Variants in GRID1 observed in about 807,000 individuals in gnomAD.
GRID1 encodes the protein glutamate receptor ionotropic, delta-1.
A neutral mutation model predicts 98.0 loss-of-function variants in GRID1; 28 were observed. That is an observed-to-expected ratio of 0.29 (90% CI 0.21 to 0.39). GRID1 has a LOEUF of 0.39. Among genes scored for constraint, GRID1 ranks in the 10% least tolerant of loss-of-function variants. The pLI is 1.00. For missense variants in GRID1, 1,111 were observed against 1,340.5 expected (o/e 0.83, Z 2.67); for synonymous variants, 553 against 538.5 (o/e 1.03, Z -0.37).
In GRID1 at chr10:86,092,305, T is replaced by G. The variant is rs189438648; in HGVS notation, c.726+46514A>C. On this transcript the variant is annotated intron_variant, in intron 4 of 15. Coordinates refer to ENST00000327946, the MANE Select transcript of GRID1 (RefSeq NM_017551.3). ...TTAAAGAAAAAAAATTCAGGAAACT[T>G]TGGACACACTTCTAGAAATGCAAAA... Among the ~76,000 whole-genome samples the G allele has an allele frequency of 4.2e-3, 635 of 152,224 alleles. 3 individuals are homozygous for G. Among genetic ancestry groups the G allele is most frequent in the Non-Finnish European group, 6.9e-3 (467 of 68,012 alleles).
In GRID1 at chr10:86,231,790, G is replaced by A. The variant is rs958564674; in HGVS notation, c.236-25142C>T. On this transcript the variant is annotated intron_variant, in intron 2 of 15. Transcript: ENST00000327946. ...TGTGCCTCCTATTGTATTTGGAGACGCAGTGTCTTCAGTTACTCATCAGCA... is the reference window on the plus strand; with the variant it reads ...TGTGCCTCCTATTGTATTTGGAGACACAGTGTCTTCAGTTACTCATCAGCA... Among the ~76,000 whole-genome samples, 6 of 152,154 alleles carry A rather than the reference G, an allele frequency of 3.9e-5. No homozygotes were observed. The East Asian group carries it at 5.8e-4, about 15-fold the overall frequency.
At chr10:85,689,550 A>G (rs958052489) in intron 12 of GRID1, among the ~76,000 whole-genome samples, 1 of 152,204 alleles carries the variant, frequency 6.6e-6, no homozygotes, top group Non-Finnish European at 1.5e-5. Context: ...GCAAACAACT[A>G]TAGTAAATAT....
intron 2 of GRID1, among the ~76,000 whole-genome samples, chr10:86,244,029 T>A (rs780468062): frequency 6.6e-6 from 1 of 152,212 alleles, no homozygotes; most frequent in Non-Finnish European, 1.5e-5. Context: ...TACATGTATG[T>A]GTGCACACCT....
chr10:85,754,038 A>T (rs564297283), intron 8 of GRID1, among the ~76,000 whole-genome samples: 20 of 152,326 alleles, frequency 1.3e-4, no homozygotes, highest in South Asian at 4.2e-4. Context: ...AAAAAAAACT[A>T]AAAAGAAATT....
rs1845785668 is a variant in GRID1, at chr10:86,190,452, G to A, written c.520+15912C>T. Among the ~76,000 whole-genome samples the A allele has an allele frequency of 2.6e-5, 4 of 152,220 alleles. No individual in the cohort carries two copies. The South Asian group carries it at 8.3e-4, about 31-fold the overall frequency. On this transcript the variant is annotated intron_variant, in intron 3 of 15. Coordinates refer to ENST00000327946, the MANE Select transcript of GRID1 (RefSeq NM_017551.3). ...ATGAAGCCTGGCTGTGCTGGTGTCA[G>A]GGAGGGGCTGGGCAGTGCCCCATGG...
At position 86,206,782 on chromosome 10, in the gene GRID1, A is replaced by C. The variant is rs1589410693; in HGVS notation, c.236-134T>G. On this transcript the variant is annotated intron_variant, in intron 2 of 15. Transcript: ENST00000327946. This position sits in a 1 kb window ranked among gnomAD's most constrained non-coding sequence, Gnocchi z 4.1. ...AGGCTGCCTCCCTCCAGGACCAAGA[A>C]CCATCCTGGGCAGGCCAGTGGCTCT... 1.3e-6 allele frequency: 1 copy of C among 751,534 alleles called. No individual in the cohort carries two copies. The highest frequency in any genetic ancestry group is 2.1e-6 in the Non-Finnish European group (1 of 468,202). The allele number at this position is 751,534 out of a possible 1,614,324, so 46.6% of individuals were successfully genotyped here.
intron 2 of GRID1, among the ~76,000 whole-genome samples, chr10:86,323,076 T>C (rs1417268195): frequency 1.3e-5 from 2 of 152,078 alleles, no homozygotes; most frequent in African/African-American, 4.8e-5. Flanking sequence ...CAACCTGGGT[T>C]ACAGAGCAAG....
intron 2 of GRID1, among the ~76,000 whole-genome samples, chr10:86,281,930 T>C (rs186604070): frequency 6.6e-6 from 1 of 152,272 alleles, no homozygotes; most frequent in Admixed American, 6.5e-5. Flanking sequence ...GCCTCCTGCC[T>C]TCTGTAAGGT....
At chr10:86,108,344 T>C (rs560980803) in intron 4 of GRID1, among the ~76,000 whole-genome samples, 1 of 152,258 alleles carries the variant, frequency 6.6e-6, no homozygotes, top group Admixed American at 6.5e-5. Flanking sequence ...CTTGTGGAAT[T>C]TAGGGGATTC....
chr10:85,825,941 G>A (rs1343513352), intron 8 of GRID1, among the ~76,000 whole-genome samples: 1 of 151,534 alleles, frequency 6.6e-6, no homozygotes, highest in Non-Finnish European at 1.5e-5. Context: ...AAAAAGAAGA[G>A]GAAAAAAAGA....
intron 8 of GRID1, among the ~76,000 whole-genome samples, chr10:85,820,434 CT>C (rs1842759388): frequency 6.6e-6 from 1 of 152,114 alleles, no homozygotes; most frequent in Non-Finnish European, 1.5e-5. Context: ...TAGTGTTCCA[CT>C]ATTGGGACGC....
intron 4 of GRID1, among the ~76,000 whole-genome samples, chr10:86,117,295 TCAC>T (rs1374970867): frequency 3.5e-5 from 5 of 144,724 alleles, no homozygotes; most frequent in Non-Finnish European, 4.6e-5. Context: ...ATCACCACCA[TCAC>T]CACCATCATC....
intron 4 of GRID1, among the ~76,000 whole-genome samples, chr10:85,969,348 A>G (rs990892592): frequency 2.6e-5 from 4 of 152,192 alleles, no homozygotes; most frequent in Admixed American, 2.0e-4. Flanking sequence ...TAGATTTAAC[A>G]GATATCTATG....
At chr10:85,871,760 C>T (rs1340100475) in intron 5 of GRID1, among the ~76,000 whole-genome samples, 2 of 152,054 alleles carry the variant, frequency 1.3e-5, no homozygotes, top group African/African-American at 4.8e-5. Flanking sequence ...GTGTGTGAAG[C>T]CTGGTCAGTT....
chr10:85,777,846 T>G (rs1303414143), intron 8 of GRID1, among the ~76,000 whole-genome samples: 1 of 152,186 alleles, frequency 6.6e-6, no homozygotes, highest in Non-Finnish European at 1.5e-5. Context: ...TCAGCAGTGA[T>G]AGACAGGCAT....
At chr10:85,695,233 T>C (rs1455378078) in intron 12 of GRID1, among the ~76,000 whole-genome samples, 1 of 152,184 alleles carries the variant, frequency 6.6e-6, no homozygotes, top group Non-Finnish European at 1.5e-5. Flanking sequence ...TTGCCTTCCT[T>C]AAGAACTCAG....
At chr10:85,731,791 G>A (rs1302567273) in intron 8 of GRID1, among the ~76,000 whole-genome samples, 2 of 105,236 alleles carry the variant, frequency 1.9e-5, no homozygotes, top group Non-Finnish European at 3.5e-5. Flanking sequence ...AACAGAGTGA[G>A]ACCCTGACAA....
At chr10:85,626,379 T>C (rs1489553614) in intron 13 of GRID1, among the ~76,000 whole-genome samples, 1 of 152,174 alleles carries the variant, frequency 6.6e-6, no homozygotes, top group African/African-American at 2.4e-5. Context: ...CTGGGGAAAA[T>C]TCACCTACTG....
chr10:85,846,291 T>G (rs1843004214), intron 8 of GRID1, among the ~76,000 whole-genome samples: 1 of 152,178 alleles, frequency 6.6e-6, no homozygotes, highest in Non-Finnish European at 1.5e-5. Flanking sequence ...CCCAGTACTT[T>G]GGGAGACTGA....
Sources: allele counts gnomAD v4.1 joint callset (sites outside exome capture counted in the v4.1 genomes callset), GRCh38; gene constraint gnomAD v4.1.1; non-coding constraint Gnocchi (gnomAD v3.1); transcripts MANE v1.5; gene names NCBI Gene and HGNC (gene_info 2026-07-23, HGNC 2026-07-21).